The following SCARA5 variants were observed in gnomAD, a reference collection of about 807,000 sequenced individuals.
The protein encoded by SCARA5 is scavenger receptor class A member 5, also known as scavenger receptor class A, member 5 (putative).
SCARA5 carries 45 observed loss-of-function variants against 46.3 expected under a neutral mutation model. That is an observed-to-expected ratio of 0.97 (90% CI 0.76 to 1.24). The LOEUF is 1.24. Ranked by LOEUF, SCARA5 falls within the 50% of genes most tolerant of loss-of-function variation. The probability of loss-of-function intolerance (pLI) is 0.00; values close to 1 mark genes in which losing one functional copy is unlikely to be tolerated. For missense variants in SCARA5, 680 were observed against 689.0 expected (o/e 0.99, Z 0.15); for synonymous variants, 333 against 306.5 (o/e 1.09, Z -0.90).
At chr8:27,971,920 C>G (rs1808453168) in intron 2 of SCARA5, among the ~76,000 whole-genome samples, 1 of 152,096 alleles carries the variant, frequency 6.6e-6, no homozygotes, top group Non-Finnish European at 1.5e-5. Flanking sequence ...TGGGCTATTA[C>G]TTTCTTAACA....
intron 3 of SCARA5, among the ~76,000 whole-genome samples, chr8:27,963,912 T>C (rs1346889774): frequency 6.6e-6 from 1 of 152,016 alleles, no homozygotes; most frequent in Non-Finnish European, 1.5e-5. Flanking sequence ...ACAAGGAGGT[T>C]TTAAGAATGG....
At chr8:27,924,712 T>A (rs886864722) in intron 3 of SCARA5, among the ~76,000 whole-genome samples, 1 of 152,246 alleles carries the variant, frequency 6.6e-6, no homozygotes, top group Admixed American at 6.5e-5. Flanking sequence ...TGTTTGCAGA[T>A]GACATGATTG....
intron 3 of SCARA5, among the ~76,000 whole-genome samples, chr8:27,965,949 G>C (rs1808362416): frequency 6.6e-6 from 1 of 152,182 alleles, no homozygotes; most frequent in African/African-American, 2.4e-5. Flanking sequence ...ATAGAAATTG[G>C]TAAGGAGAGC....
At chr8:27,880,876 A>AAAAAAAAG (rs1806800436) in intron 7 of SCARA5, among the ~76,000 whole-genome samples, 1 of 150,010 alleles carries the variant, frequency 6.7e-6, no homozygotes, top group Non-Finnish European at 1.5e-5. Context: ...AAAAAAAAAA[A>AAAAAAAAG]GTGGGCAGGA....
Position 27,900,086 on chromosome 8 carries a change from C to T in SCARA5, c.1153+4692G>A, listed in dbSNP as rs142676971. Among the ~76,000 whole-genome samples the T allele has an allele frequency of 0.012, 1,770 of 151,792 alleles. 83 individuals are homozygous for T. In the East Asian group the frequency reaches 0.12, roughly 10 times the overall value. On this transcript the variant is annotated intron_variant, in intron 7 of 8. Transcript: ENST00000354914. ...CCAGGAGGCGGAGGTTGCAGTGAGC[C>T]GAGATCGTGCCACTGCACTCCAGCC...
chr8:27,885,724 C>T (rs1175643936), intron 7 of SCARA5, among the ~76,000 whole-genome samples: 2 of 152,170 alleles, frequency 1.3e-5, no homozygotes, highest in African/African-American at 2.4e-5. Context: ...TGAGATGACT[C>T]TGGATTCTGG....
At chr8:27,928,532 C>T (rs78223030) in intron 3 of SCARA5, among the ~76,000 whole-genome samples, 4 of 152,188 alleles carry the variant, frequency 2.6e-5, no homozygotes, top group Admixed American at 2.0e-4. Context: ...GACAGTATAC[C>T]GTGGTGACTG....
chr8:27,948,890 G>A (rs2685419), intron 3 of SCARA5, among the ~76,000 whole-genome samples: 47,862 of 152,274 alleles, frequency 0.31, 7,670 homozygotes, highest in East Asian at 0.41. Flanking sequence ...GCAATGTGGT[G>A]TTATGGCCGT....
chr8:27,938,180 C>T (rs1807887187), intron 3 of SCARA5, among the ~76,000 whole-genome samples: 1 of 152,200 alleles, frequency 6.6e-6, no homozygotes, highest in South Asian at 2.1e-4. Flanking sequence ...GAACCAAGCG[C>T]TTCCTCAAAT....
At chr8:27,872,484 T>C (rs950560588) in intron 8 of SCARA5, among the ~76,000 whole-genome samples, 3 of 152,236 alleles carry the variant, frequency 2.0e-5, no homozygotes, top group African/African-American at 7.2e-5. Flanking sequence ...ACTAAGTGGC[T>C]TGAACATATT....
At chr8:27,947,687 A>G (rs1808059586) in intron 3 of SCARA5, among the ~76,000 whole-genome samples, 1 of 149,190 alleles carries the variant, frequency 6.7e-6, no homozygotes, top group East Asian at 2.0e-4. Flanking sequence ...CAGCCTGAAC[A>G]TGGCGAAACC....
intron 2 of SCARA5, among the ~76,000 whole-genome samples, chr8:27,967,269 G>C (rs1808383200): frequency 6.6e-6 from 1 of 152,238 alleles, no homozygotes; most frequent in Admixed American, 6.5e-5. Context: ...CCTTGCTGTA[G>C]TGGCCTTTTG....
At chr8:27,948,498 G>A (rs934374981) in intron 3 of SCARA5, among the ~76,000 whole-genome samples, 7 of 152,354 alleles carry the variant, frequency 4.6e-5, no homozygotes, top group South Asian at 2.1e-4. Context: ...GGGCTGGGCC[G>A]TTCCACCGGC....
chr8:27,900,189 G>A (rs1329498922), intron 7 of SCARA5, among the ~76,000 whole-genome samples: 1 of 152,010 alleles, frequency 6.6e-6, no homozygotes, highest in Non-Finnish European at 1.5e-5. Flanking sequence ...TGCAGTCGCT[G>A]TGTCTCTCCA....
intron 7 of SCARA5, among the ~76,000 whole-genome samples, chr8:27,897,364 G>A (rs1398413850): frequency 6.6e-6 from 1 of 152,226 alleles, no homozygotes; most frequent in Non-Finnish European, 1.5e-5. Context: ...CGATTCCCAA[G>A]TTTGTTTGAA....
chr8:27,891,013 T>G (rs1402749754), intron 7 of SCARA5, among the ~76,000 whole-genome samples: 1 of 152,050 alleles, frequency 6.6e-6, no homozygotes, highest in African/African-American at 2.4e-5. Context: ...AAGCTACAAG[T>G]GCTCTCGCAA....
intron 3 of SCARA5, among the ~76,000 whole-genome samples, chr8:27,965,684 T>G (rs1044308691): frequency 6.6e-6 from 1 of 152,216 alleles, no homozygotes; most frequent in Non-Finnish European, 1.5e-5. Context: ...CTTACTTGCG[T>G]CCAGTCCTAC....
intron 3 of SCARA5, among the ~76,000 whole-genome samples, chr8:27,953,478 A>G (rs761570636): frequency 6.6e-6 from 1 of 152,264 alleles, no homozygotes; most frequent in African/African-American, 2.4e-5. Context: ...AACTCCATAA[A>G]GTGGATCTTA....
intron 1 of SCARA5, among the ~76,000 whole-genome samples, chr8:27,991,591 G>A (rs1312016521): frequency 6.6e-6 from 1 of 152,054 alleles, no homozygotes; most frequent in Non-Finnish European, 1.5e-5. Context: ...CTGGGTACCC[G>A]CATCTAACTC....
Sources: gnomAD v4.1 joint callset for allele counts (sites outside exome capture counted in the v4.1 genomes callset) on GRCh38, gnomAD v4.1.1 for gene constraint, MANE v1.5 for transcripts, NCBI Gene and HGNC (gene_info 2026-07-23, HGNC 2026-07-21) for gene names.